The following EYS variants were observed in gnomAD, a reference collection of about 807,000 sequenced individuals.
The protein encoded by EYS is EGF-like photoreceptor maintenance factor, also known as protein eyes shut homolog.
Under a neutral mutation model 282.1 loss-of-function variants are expected in EYS, and 250 were observed. That is an observed-to-expected ratio of 0.89 (90% CI 0.80 to 0.98). EYS has a LOEUF of 0.98. Ranked by LOEUF, EYS falls within the 50% of genes least tolerant of loss-of-function variation. EYS has a pLI of 0.00. For synonymous variants in EYS, 1,355 were observed against 1,282.9 expected, an observed-to-expected ratio of 1.06 and a Z score of -1.20; for missense variants, 4,016 against 3,709.0, an observed-to-expected ratio of 1.08 and a Z score of -2.15.
chr6:65,573,777 T>C (rs983600802), intron 2 of EYS, among the ~76,000 whole-genome samples: 2 of 149,124 alleles, frequency 1.3e-5, no homozygotes, highest in Non-Finnish European at 3.0e-5. Context: ...GATGAATACC[T>C]GTTTCTGAAG....
intron 30 of EYS, among the ~76,000 whole-genome samples, chr6:64,243,735 TACA>T (rs1283959433): frequency 6.6e-6 from 1 of 152,168 alleles, no homozygotes; most frequent in Non-Finnish European, 1.5e-5. Context: ...AAAACTAAAA[TACA>T]ACAACATATT....
chr6:65,101,380 GA>G (rs1345581661), intron 12 of EYS, among the ~76,000 whole-genome samples: 6 of 151,312 alleles, frequency 4.0e-5, no homozygotes, highest in African/African-American at 1.4e-4. Context: ...TTAACTTTTA[GA>G]AAAAGTATTT....
At chr6:65,554,680 T>C (rs1380429586) in intron 2 of EYS, among the ~76,000 whole-genome samples, 1 of 152,170 alleles carries the variant, frequency 6.6e-6, no homozygotes, top group Non-Finnish European at 1.5e-5. Flanking sequence ...CTCAGTTGAA[T>C]AGATAAAGTC....
intron 32 of EYS, among the ~76,000 whole-genome samples, chr6:64,071,974 A>G (rs574380063): frequency 2.0e-5 from 3 of 151,946 alleles, no homozygotes; most frequent in African/African-American, 7.2e-5. Flanking sequence ...ATGGTTGAAG[A>G]AACATATAGA....
At chr6:64,328,735 C>T (rs1338422770) in intron 29 of EYS, among the ~76,000 whole-genome samples, 4 of 152,088 alleles carry the variant, frequency 2.6e-5, no homozygotes. Context: ...AGACACAGAG[C>T]TAAGGAAAAG....
chr6:64,549,565 C>A (rs1764997466), intron 26 of EYS, among the ~76,000 whole-genome samples: 1 of 152,118 alleles, frequency 6.6e-6, no homozygotes, highest in African/African-American at 2.4e-5. Flanking sequence ...CCGGGATAAA[C>A]TTCTCCTGCC....
chr6:65,279,337 T>C (rs1768153220), intron 12 of EYS, among the ~76,000 whole-genome samples: 2 of 152,190 alleles, frequency 1.3e-5, no homozygotes, highest in South Asian at 4.1e-4. Context: ...TCTGCTTAAA[T>C]GTCATTTCCT....
At chr6:64,196,515 C>T (rs1251897129) in intron 31 of EYS, among the ~76,000 whole-genome samples, 1 of 152,070 alleles carries the variant, frequency 6.6e-6, no homozygotes, top group Non-Finnish European at 1.5e-5. Context: ...CAATGATAGA[C>T]TGGATTAAGA....
chr6:65,160,453 G>A (rs1024826333), intron 12 of EYS, among the ~76,000 whole-genome samples: 1 of 150,810 alleles, frequency 6.6e-6, no homozygotes. Flanking sequence ...AGGCCATAAA[G>A]CTATACAATT....
intron 12 of EYS, among the ~76,000 whole-genome samples, chr6:65,151,372 G>A (rs1033707499): frequency 2.6e-5 from 4 of 151,914 alleles, no homozygotes; most frequent in Non-Finnish European, 5.9e-5. Context: ...TTCAGTTCTG[G>A]TATAATCCGA....
At chr6:65,569,688 AC>A (rs1764410563) in intron 2 of EYS, among the ~76,000 whole-genome samples, 1 of 152,032 alleles carries the variant, frequency 6.6e-6, no homozygotes, top group Non-Finnish European at 1.5e-5. Flanking sequence ...TGTGGTCTCA[AC>A]CCAGGATCTG....
rs758915162 is a variant in EYS, at chr6:64,792,856, A to ATGTGTGTGTGTGTGTGTGTGTGTG, written c.3443+20521_3443+20522insCACACACACACACACACACACACA. Among the ~76,000 whole-genome samples, 582 of 70,962 alleles carry ATGTGTGTGTGTGTGTGTGTGTGTG rather than the reference A, an allele frequency of 8.2e-3. 4 individuals are homozygous for ATGTGTGTGTGTGTGTGTGTGTGTG. Among genetic ancestry groups the ATGTGTGTGTGTGTGTGTGTGTGTG allele is most frequent in the East Asian group, 0.08 (184 of 2,286 alleles). The allele number at this position is 70,962 out of a possible 152,430, so 46.6% of individuals were successfully genotyped here. A position where few individuals can be genotyped will look rare whatever the true frequency, so the allele number is the denominator to read the frequency against. ...TGTTTTAATTTCATACGATCTTGAC[A>ATGTGTGTGTGTGTGTGTGTGTGTG]CGTGTGTGTGTGTGTGTGTGTTAGA... On this transcript the variant is annotated intron_variant, in intron 22 of 42. Transcript: ENST00000503581.
intron 2 of EYS, among the ~76,000 whole-genome samples, chr6:65,579,987 T>C (rs1303534142): frequency 1.3e-5 from 2 of 152,162 alleles, no homozygotes; most frequent in African/African-American, 4.8e-5. Context: ...GGTTATTGTA[T>C]CTACATGGTC....
At chr6:65,696,712 T>C (rs576233846) in intron 1 of EYS, among the ~76,000 whole-genome samples, 1 of 152,142 alleles carries the variant, frequency 6.6e-6, no homozygotes, top group African/African-American at 2.4e-5. Context: ...ATCCTAAAAA[T>C]GAAATGCTAT....
At chr6:64,061,164 A>ATTTT in intron 33 of EYS, among the ~76,000 whole-genome samples, 1 of 152,190 alleles carries the variant, frequency 6.6e-6, no homozygotes, top group Non-Finnish European at 1.5e-5. Flanking sequence ...TGCCTTTAAA[A>ATTTT]CATGCAGATA....
intron 19 of EYS, among the ~76,000 whole-genome samples, chr6:64,856,667 G>A (rs1766072372): frequency 6.6e-6 from 1 of 152,050 alleles, no homozygotes; most frequent in Non-Finnish European, 1.5e-5. Context: ...TTGAATATAA[G>A]TTTCTTAACA....
chr6:64,471,431 G>A (rs911138983), intron 26 of EYS, among the ~76,000 whole-genome samples: 2 of 152,024 alleles, frequency 1.3e-5, no homozygotes, highest in African/African-American at 4.8e-5. Flanking sequence ...AATCAATAGT[G>A]TTTCTATATA....
At chr6:64,778,882 G>A (rs189256490) in intron 22 of EYS, among the ~76,000 whole-genome samples, 3 of 152,170 alleles carry the variant, frequency 2.0e-5, no homozygotes, top group Admixed American at 1.3e-4. Context: ...TGTACAGATG[G>A]CAAATAAGCA....
At chr6:64,260,131 C>T (rs192956553) in intron 30 of EYS, among the ~76,000 whole-genome samples, 15 of 96,340 alleles carry the variant, frequency 1.6e-4, no homozygotes, top group African/African-American at 5.3e-4. Context: ...TTTAATGGGG[C>T]GGGGCAGGGG....
Sources: allele counts gnomAD v4.1 joint callset (sites outside exome capture counted in the v4.1 genomes callset), GRCh38; gene constraint gnomAD v4.1.1; transcripts MANE v1.5; gene names NCBI Gene and HGNC (gene_info 2026-07-23, HGNC 2026-07-21).